GSDMA: variants seen among roughly 807,000 people sequenced by gnomAD.
GSDMA encodes gasdermin-A.
A neutral mutation model predicts 54.3 loss-of-function variants in GSDMA; 55 were observed. That is an observed-to-expected ratio of 1.01 (90% CI 0.82 to 1.27). The LOEUF (loss-of-function observed/expected upper bound fraction) is 1.27. GSDMA is among the 50% of genes most tolerant of loss of function. GSDMA has a pLI of 0.00. For synonymous variants in GSDMA, 211 were observed against 224.7 expected (o/e 0.94, Z 0.54); for missense variants, 542 against 542.6 (o/e 1.00, Z 0.01).
rs1979943217 is a variant in GSDMA at position 39,971,580 on chromosome 17, T to C, written c.615T>C (p.Phe205=). The change falls in exon 5 of 12, where the codon TTT becomes TTC. Residue 205 remains phenylalanine (F), a synonymous_variant. Transcript: ENST00000301659. ...TCCCCAAGGGCTGCGTCCTGGCCTT[T>C]CGAGTGAGACAGCTGATGGTCAAAG... is the stretch of plus-strand genomic sequence containing the variant. ...VTIPKGCVLA[F]RVRQLMVKGK... is the part of the protein sequence containing the mutation. 3.1e-6 allele frequency: 5 copies of C among 1,613,792 alleles called. No individual in the cohort carries two copies. Among genetic ancestry groups the C allele is most frequent in the South Asian group, 1.1e-5 (1 of 91,086 alleles).
intron 7 of GSDMA, among the ~76,000 whole-genome samples, chr17:39,973,430 C>T (rs987769759): frequency 2.7e-5 from 4 of 148,744 alleles, no homozygotes; most frequent in African/African-American, 1.0e-4. Flanking sequence ...CCACCACACT[C>T]GGCGAATTTT....
At chr17:39,970,457 T>C in intron 3 of GSDMA, 25 bp from the exon 4 acceptor site, 1 of 1,547,048 alleles carries the variant, frequency 6.5e-7, no homozygotes, top group Non-Finnish European at 8.7e-7. Flanking sequence ...CTCTGAACGG[T>C]TCCCTTATGT....
Position 39,977,219 on chromosome 17 carries a change from A to G in GSDMA, c.*161A>G. On this transcript the variant is annotated 3_prime_UTR_variant, in exon 12 of 12. Transcript: ENST00000301659. The stretch of plus-strand genomic sequence containing the variant: ...ACTTCCACCTGCCCAACCATATATC[A>G]CCCCCTACCCCTCCAGCTCCGCAAC... 1.5e-6 allele frequency: 1 copy of G among 648,908 alleles called. No individual in the cohort carries two copies. 40.2% of individuals were successfully genotyped at this position (648,908 alleles called of 1,614,324 possible). A position where few individuals can be genotyped will look rare whatever the true frequency, so the allele number is the denominator to read the frequency against.
In GSDMA at chr17:39,976,913, C is replaced by T. The variant is rs1178706390; in HGVS notation, c.1193C>T (p.Thr398Ile). The change falls in exon 12 of 12, where the codon ACC becomes ATC. Residue 398 changes from threonine (T) to isoleucine (I), a missense_variant. Thr to Ile is a moderately conservative substitution (Grantham distance 89). Coordinates refer to ENST00000301659, the MANE Select transcript of GSDMA (RefSeq NM_178171.5). ...TCCTCCCTTGGGGACGAGGAGCTGA[C>T]CCTCACGGAGGCTCTAGTCGGGCTG... ...LLSSLGDEEL[T>I]LTEALVGLSG... 1.9e-6 allele frequency: 3 copies of T among 1,613,898 alleles called. No homozygotes were observed. Among genetic ancestry groups the T allele is most frequent in the Non-Finnish European group, 2.5e-6 (3 of 1,179,900 alleles).
At chr17:39,967,859 AT>A (rs1450000310) in intron 3 of GSDMA, among the ~76,000 whole-genome samples, 1 of 147,418 alleles carries the variant, frequency 6.8e-6, no homozygotes, top group African/African-American at 2.5e-5. Flanking sequence ...TATTTATTTT[AT>A]TTATTTATTT....
rs566323497 is a variant in GSDMA at position 39,977,609 on chromosome 17, G to C, written c.*551G>C. 6.6e-6 allele frequency: 1 copy of C among 152,144 alleles called. No homozygotes were observed. The highest frequency in any genetic ancestry group is 2.4e-5 in the African/African-American group (1 of 41,420). The allele number at this position is 152,144 out of a possible 1,614,324, so 9.4% of individuals were successfully genotyped here. On this transcript the variant is annotated 3_prime_UTR_variant, in exon 12 of 12. Transcript: ENST00000301659. ...GCCCGGCCTGTGCTTAAATATTCTA[G>C]GAGTAGAAGCACTCAGACTTTTAAA...
At position 39,977,074 on chromosome 17, in the gene GSDMA, T is replaced by C. The variant is rs199763416; in HGVS notation, c.*16T>C. On this transcript the variant is annotated 3_prime_UTR_variant, in exon 12 of 12. Transcript: ENST00000301659. ...GGCCTCCTAATTTGCCTTTTACGTC[T>C]GCTTCATGACTCCCTAATGCCTTCC... 18 of 1,613,394 alleles carry C rather than the reference T, an allele frequency of 1.1e-5. No individual in the cohort carries two copies. The highest frequency in any genetic ancestry group is 2.7e-5 in the African/African-American group (2 of 74,858).
Position 39,966,357 on chromosome 17 carries a change from G to A in GSDMA, c.312G>A (p.Thr104=), listed in dbSNP as rs185404257. Reference sequence around the variant, plus strand: ...CAAAGACGGTGAAGGTGAAGGGAACGGCAGGGCTCTCGCAGAACAGCACTC... The same window carrying A: ...CAAAGACGGTGAAGGTGAAGGGAACAGCAGGGCTCTCGCAGAACAGCACTC... ...DVPKTVKVKG[T]AGLSQNSTLE... is the part of the protein sequence containing the mutation. The change falls in exon 3 of 12, where the codon ACG becomes ACA. Residue 104 remains threonine, a synonymous_variant. Transcript: ENST00000301659. 1,307 of 1,613,956 alleles carry A rather than the reference G, an allele frequency of 8.1e-4. 5 individuals are homozygous for A. In the African/African-American group the frequency reaches 0.012, roughly 14 times the overall value.
At chr17:39,965,449 A>G in intron 1 of GSDMA, 2 of 535,792 alleles carry the variant, frequency 3.7e-6, no homozygotes, top group Non-Finnish European at 6.7e-6. Flanking sequence ...TTTGCTGGCC[A>G]TCTGTGGGAC....
chr17:39,973,345 C>G (rs1980046833), intron 7 of GSDMA, among the ~76,000 whole-genome samples: 1 of 150,884 alleles, frequency 6.6e-6, no homozygotes, highest in African/African-American at 2.4e-5. Flanking sequence ...TCTCCACTCA[C>G]TGCAAACTCT....
Position 39,974,397 on chromosome 17 carries a change from GA to G in GSDMA, c.881del (p.Lys294ArgfsTer14). 6.3e-7 allele frequency: 1 copy of G among 1,589,438 alleles called. No individual in the cohort carries two copies. Among genetic ancestry groups the G allele is most frequent in the Non-Finnish European group, 8.6e-7 (1 of 1,168,302 alleles). On this transcript the variant is annotated frameshift_variant, in exon 9 of 12. Transcript: ENST00000301659. LOFTEE classifies it high-confidence loss of function. ...GCTCCCTCAGCAAACTTCTAGGGAA[GA>G]AAAAGGAGCTACAAGACCTTGAGCT... is the stretch of plus-strand genomic sequence containing the variant. ...LSSLSKLLGK[K>X]KELQDLELAL...
At position 39,969,691 on chromosome 17, in the gene GSDMA, A is replaced by G. The variant is rs145534707; in HGVS notation, c.393-791A>G. 1.6e-3 allele frequency among the ~76,000 whole-genome samples: 247 copies of G among 152,112 alleles called. 4 individuals carry two copies. Among genetic ancestry groups the G allele is most frequent in the African/African-American group, 5.4e-3 (225 of 41,490 alleles). ...GAGTAGTGGAAATACAAGGCAAATT[A>G]TAAAGAATTTAGGTGGACCGGGCAT... On this transcript the variant is annotated intron_variant, in intron 3 of 11. Coordinates refer to ENST00000301659, the MANE Select transcript of GSDMA (RefSeq NM_178171.5).
intron 11 of GSDMA, 105 bp downstream of exon 11, chr17:39,976,102 T>TAAGACAGGG: frequency 1.4e-6 from 1 of 739,388 alleles, no homozygotes; most frequent in Non-Finnish European, 2.3e-6. Flanking sequence ...ATCCCTGTCT[T>TAAGACAGGG]ATCCCAGGGG....
At chr17:39,969,217 T>C (rs1979815977) in intron 3 of GSDMA, among the ~76,000 whole-genome samples, 2 of 151,574 alleles carry the variant, frequency 1.3e-5, no homozygotes, top group South Asian at 2.1e-4. Context: ...CCGGGCATGG[T>C]GGTGCGCCTA....
At chr17:39,965,152 G>A (rs1226475128) in intron 1 of GSDMA, among the ~76,000 whole-genome samples, 2 of 149,942 alleles carry the variant, frequency 1.3e-5, no homozygotes, top group East Asian at 2.0e-4. Context: ...AGCAAGGAAA[G>A]GCGAGGTGGA....
rs371169321 is a variant in GSDMA at position 39,972,194 on chromosome 17, C to T, written c.703+18C>T. ...TCCTGGAGGTAAGTGAAATTGCTTA[C>T]GGGCTTCCCACATCTTCCGCCCTAC... On this transcript the variant is annotated intron_variant, in intron 6 of 11. Coordinates refer to ENST00000301659, the MANE Select transcript of GSDMA (RefSeq NM_178171.5). 24 of 1,509,344 alleles carry T rather than the reference C, an allele frequency of 1.6e-5. No homozygotes were observed. Among genetic ancestry groups the T allele is most frequent in the East Asian group, 5.1e-5 (2 of 38,916 alleles). The allele number at this position is 1,509,344 out of a possible 1,614,324, so 93.5% of individuals were successfully genotyped here. A position where few individuals can be genotyped will look rare whatever the true frequency, so the allele number is the denominator to read the frequency against.
At chr17:39,965,985 C>T (rs1457342861) in intron 2 of GSDMA, 84 bp downstream of exon 2, 1 of 1,282,078 alleles carries the variant, frequency 7.8e-7, no homozygotes, top group African/African-American at 1.5e-5. Context: ...CCTCAAAGCT[C>T]CCTCTGGCCA....
At chr17:39,963,345 G>GAAAA (rs34763545) in intron 1 of GSDMA, among the ~76,000 whole-genome samples, 1 of 145,722 alleles carries the variant, frequency 6.9e-6, no homozygotes, top group Admixed American at 6.7e-5. Context: ...GAATGAGGGT[G>GAAAA]AAAAAAAAAA....
chr17:39,973,586 A>T (rs1369080873), intron 7 of GSDMA, among the ~76,000 whole-genome samples: 2 of 151,202 alleles, frequency 1.3e-5, no homozygotes, highest in Non-Finnish European at 2.9e-5. Context: ...AAAAATTAAG[A>T]GTCTTAGTAG....
Sources: gnomAD v4.1 joint callset for allele counts (sites outside exome capture counted in the v4.1 genomes callset) on GRCh38, gnomAD v4.1.1 for gene constraint, MANE v1.5 for transcripts, NCBI Gene and HGNC (gene_info 2026-07-23, HGNC 2026-07-21) for gene names.